TMEM67: variants seen among roughly 807,000 people sequenced by gnomAD.
TMEM67 encodes the protein transmembrane protein 67.
A neutral mutation model predicts 136.6 loss-of-function variants in TMEM67; 124 were observed. The observed-to-expected ratio is 0.91, with a 90% CI of 0.78 to 1.05. TMEM67 has a LOEUF of 1.05. Among genes scored for constraint, TMEM67 ranks in the 50% least tolerant of loss-of-function variants. The pLI is 0.00. For synonymous variants in TMEM67, 364 were observed against 390.5 expected, an observed-to-expected ratio of 0.93 and a Z score of 0.80; for missense variants, 1,107 against 1,178.4, an observed-to-expected ratio of 0.94 and a Z score of 0.89.
intron 3 of TMEM67, chr8:93,763,030 C>A: frequency 2.8e-6 from 1 of 358,536 alleles, no homozygotes; most frequent in Non-Finnish European, 5.7e-6. Flanking sequence ...TCAAGTGATT[C>A]TCATGCCTCA....
downstream of TMEM67, among the ~76,000 whole-genome samples, chr8:93,820,198 C>T (rs891983980): frequency 3.3e-5 from 5 of 151,670 alleles, no homozygotes; most frequent in Non-Finnish European, 7.3e-5. Context: ...CATGGCTGTG[C>T]ATGGTGTGCC....
At chr8:93,785,811 C>G in intron 12 of TMEM67, 2 of 226,870 alleles carry the variant, frequency 8.8e-6, no homozygotes, top group Non-Finnish European at 1.7e-5. Context: ...CGGTGGCTCA[C>G]GCCTATAATC....
chr8:93,818,824 T>TG (rs370747654), downstream of TMEM67, among the ~76,000 whole-genome samples: 11 of 151,978 alleles, frequency 7.2e-5, no homozygotes, highest in African/African-American at 2.7e-4. Context: ...GAGAGAGAGA[T>TG]GGGGTCTCAC....
At chr8:93,763,506 G>A (rs1812939425) in intron 3 of TMEM67, among the ~76,000 whole-genome samples, 1 of 152,106 alleles carries the variant, frequency 6.6e-6, no homozygotes, top group South Asian at 2.1e-4. Context: ...ATCCTAGTGT[G>A]ACAGAAATGT....
chr8:93,806,508 A>G (rs1815156771), intron 23 of TMEM67, among the ~76,000 whole-genome samples: 1 of 152,188 alleles, frequency 6.6e-6, no homozygotes, highest in African/African-American at 2.4e-5. Context: ...TAATTGCTGA[A>G]GCTAGGTAAT....
intron 4 of TMEM67, among the ~76,000 whole-genome samples, chr8:93,764,823 T>C (rs1206298169): frequency 2.0e-5 from 3 of 152,160 alleles, no homozygotes; most frequent in Non-Finnish European, 4.4e-5. Context: ...TGCTCTATTT[T>C]GCAAGTGATG....
chr8:93,808,480 T>TTATCTATAATTTATTATAGATAAA (rs1554559300), intron 23 of TMEM67, among the ~76,000 whole-genome samples: 39 of 139,994 alleles, frequency 2.8e-4, no homozygotes, highest in Admixed American at 2.1e-3. Flanking sequence ...TTATAGATAT[T>TTATCTATAATTTATTATAGATAAA]TATCTATAAT....
chr8:93,802,281 G>A (rs2130752756), intron 21 of TMEM67, among the ~76,000 whole-genome samples: 1 of 152,298 alleles, frequency 6.6e-6, no homozygotes, highest in East Asian at 1.9e-4. Flanking sequence ...AAGTAGGTAA[G>A]CTCACCTTTT....
chr8:93,819,101 C>T (rs1354479105), downstream of TMEM67: 1 of 453,066 alleles, frequency 2.2e-6, no homozygotes, highest in East Asian at 7.0e-5. Context: ...CTACACATGG[C>T]CAGGATTAGT....
chr8:93,804,830 T>C lies in TMEM67; in HGVS notation c.2391T>C (p.His797=), dbSNP rs1208750864. The C allele has an allele frequency of 6.2e-7, 1 of 1,607,880 alleles. No individual in the cohort carries two copies. The highest frequency in any genetic ancestry group is 8.5e-7 in the Non-Finnish European group (1 of 1,174,566). ...TTCATGGTAGATCAGTACATGGGCA[T>C]GCAGATACTAATATGGAAGAAATGA... The part of the protein sequence containing the change: ...YYIHGRSVHG[H]ADTNMEEMNM... Residue 797 remains histidine, a synonymous_variant, in exon 23 of 28, where the codon CAT becomes CAC. Transcript: ENST00000453321.
intron 23 of TMEM67, among the ~76,000 whole-genome samples, chr8:93,807,309 G>T (rs1297300079): frequency 1.3e-5 from 2 of 152,036 alleles, no homozygotes; most frequent in Non-Finnish European, 2.9e-5. Flanking sequence ...TTAACAATAT[G>T]AACAGCTACT....
At chr8:93,825,365 A>C in the TMEM67 span, among the ~76,000 whole-genome samples, 1 of 152,354 alleles carries the variant, frequency 6.6e-6, no homozygotes, top group South Asian at 2.1e-4. Context: ...GACATTGTTA[A>C]TGTAATTTAA....
intron 17 of TMEM67, 45 bp from the exon 18 acceptor site, chr8:93,795,852 CAAAA>C (rs753903313): frequency 6.5e-6 from 9 of 1,374,654 alleles, no homozygotes; most frequent in African/African-American, 5.9e-5. Context: ...AACAAACAAA[CAAAA>C]AAAACTGTGT....
At chr8:93,819,738 TG>T (rs1586107307), downstream of TMEM67, among the ~76,000 whole-genome samples, 1 of 152,170 alleles carries the variant, frequency 6.6e-6, no homozygotes, top group East Asian at 1.9e-4. Context: ...AAGCAGCACA[TG>T]GCAGTTTGGG....
rs863225225 is a variant in TMEM67 at position 93,797,184 on chromosome 8, C to T, written c.1911C>T (p.Phe637=). 1 of 1,613,240 alleles carries T rather than the reference C, an allele frequency of 6.2e-7. No individual in the cohort carries two copies. Among genetic ancestry groups the T allele is most frequent in the Non-Finnish European group, 8.5e-7 (1 of 1,179,294 alleles). Residue 637 remains phenylalanine (F), a synonymous_variant, in exon 19 of 28, where the codon TTC becomes TTT. Coordinates refer to ENST00000453321, the MANE Select transcript of TMEM67 (RefSeq NM_153704.6). Reference sequence around the variant, plus strand: ...TATCCCAGATTACAATAGATGTATTCTTTATTGATTGGGAGCGACCTAAAG... The same window carrying T: ...TATCCCAGATTACAATAGATGTATTTTTTATTGATTGGGAGCGACCTAAAG... ...KLISQITIDV[F]FIDWERPKGK...
Position 93,815,456 on chromosome 8 carries a change from T to C in TMEM67, c.2907+9T>C, listed in dbSNP as rs372865972. Reference sequence around the variant, plus strand: ...CATATCTACAACAAGAGGTAAACTTTTAAAATTTTTCTACATTTTCCTTCA... The same window carrying C: ...CATATCTACAACAAGAGGTAAACTTCTAAAATTTTTCTACATTTTCCTTCA... On this transcript the variant is annotated intron_variant, in intron 27 of 27. Coordinates refer to ENST00000453321, the MANE Select transcript of TMEM67 (RefSeq NM_153704.6). 115 of 1,609,390 alleles carry C rather than the reference T, an allele frequency of 7.1e-5. No individual in the cohort carries two copies. The highest frequency in any genetic ancestry group is 1.6e-4 in the East Asian group (7 of 44,720).
chr8:93,763,951 G>A lies in TMEM67; in HGVS notation c.506+10G>A. 6.5e-7 allele frequency: 1 copy of A among 1,527,176 alleles called. No individual in the cohort carries two copies. The highest frequency in any genetic ancestry group is 9.1e-7 in the Non-Finnish European group (1 of 1,101,134). 94.6% of individuals were successfully genotyped at this position (1,527,176 alleles called of 1,614,324 possible). A position where few individuals can be genotyped will look rare whatever the true frequency, so the allele number is the denominator to read the frequency against. ...ATGCTTTAGGAGACAGGTAAGCAGTGTGATGGGGGCTAACTTCATTAATAT... is the reference window on the plus strand; with the variant it reads ...ATGCTTTAGGAGACAGGTAAGCAGTATGATGGGGGCTAACTTCATTAATAT... On this transcript the variant is annotated intron_variant, in intron 4 of 27. Transcript: ENST00000453321.
chr8:93,790,292 T>A (rs1453523064), intron 14 of TMEM67, among the ~76,000 whole-genome samples: 2 of 152,192 alleles, frequency 1.3e-5, no homozygotes, highest in Non-Finnish European at 2.9e-5. Flanking sequence ...TCTTTAATAT[T>A]TCAGAATCTC....
At chr8:93,831,662 A>G in the TMEM67 span, among the ~76,000 whole-genome samples, 1 of 152,026 alleles carries the variant, frequency 6.6e-6, no homozygotes, top group South Asian at 2.1e-4. Context: ...GCATGAGTGC[A>G]TGCATGTGCT....
Sources: gnomAD v4.1 joint callset for allele counts (sites outside exome capture counted in the v4.1 genomes callset) on GRCh38, gnomAD v4.1.1 for gene constraint, MANE v1.5 for transcripts, NCBI Gene and HGNC (gene_info 2026-07-23, HGNC 2026-07-21) for gene names.